The following SAMD12 variants were observed in gnomAD, a reference collection of about 807,000 sequenced individuals.
SAMD12 encodes the protein sterile alpha motif domain-containing protein 12.
A neutral mutation model predicts 15.0 loss-of-function variants in SAMD12; 9 were observed. That is an observed-to-expected ratio of 0.60 (90% CI 0.36 to 1.05). The LOEUF is 1.05. Among genes scored for constraint, SAMD12 ranks in the 50% least tolerant of loss-of-function variants. SAMD12 has a pLI of 0.01. For synonymous variants in SAMD12, 86 were observed against 90.1 expected, an observed-to-expected ratio of 0.96 and a Z score of 0.25; for missense variants, 230 against 234.2, an observed-to-expected ratio of 0.98 and a Z score of 0.12.
chr8:118,394,804 G>T (rs1002718185), intron 3 of SAMD12: 1 of 152,162 alleles, frequency 6.6e-6, no homozygotes, highest in Non-Finnish European at 1.5e-5. Context: ...TGCTGGAGTT[G>T]GAAGAAGATG....
chr8:118,413,562 C>T (rs988227875), intron 3 of SAMD12, among the ~76,000 whole-genome samples: 5 of 152,110 alleles, frequency 3.3e-5, no homozygotes, highest in Admixed American at 2.6e-4. Context: ...TTATAGAATT[C>T]ATTTCATATA....
chr8:118,318,381 G>T (rs1816057028), intron 4 of SAMD12, among the ~76,000 whole-genome samples: 1 of 138,482 alleles, frequency 7.2e-6, no homozygotes, highest in Admixed American at 7.4e-5. Flanking sequence ...AACACTACTT[G>T]GGCATAGAAA....
At chr8:118,200,965 G>A (rs139995273) in intron 4 of SAMD12, among the ~76,000 whole-genome samples, 7 of 152,236 alleles carry the variant, frequency 4.6e-5, no homozygotes, top group African/African-American at 1.2e-4. Context: ...CAGGCGTGGC[G>A]TGCACCACTA....
intron 2 of SAMD12, among the ~76,000 whole-genome samples, chr8:118,545,232 C>T (rs191647689): frequency 2.6e-5 from 4 of 152,216 alleles, no homozygotes; most frequent in Admixed American, 6.5e-5. Flanking sequence ...TCTGGGAGGC[C>T]GAAGTAGGTG....
At chr8:118,405,410 A>AC (rs11398484) in intron 3 of SAMD12, among the ~76,000 whole-genome samples, 42,900 of 151,824 alleles carry the variant, frequency 0.28, 6,110 homozygotes, top group Admixed American at 0.32. Flanking sequence ...GATAAATCTG[A>AC]AGACGAAATG....
chr8:118,550,596 A>G (rs1262041999), intron 2 of SAMD12, among the ~76,000 whole-genome samples: 10 of 152,168 alleles, frequency 6.6e-5, no homozygotes, highest in East Asian at 1.9e-4. Context: ...AAAGACCATC[A>G]AGACTAGGAA....
chr8:118,318,662 ATATAAGTCAT>A (rs1816072047), intron 4 of SAMD12, among the ~76,000 whole-genome samples: 1 of 152,066 alleles, frequency 6.6e-6, no homozygotes, highest in Non-Finnish European at 1.5e-5. Context: ...ATTCACCTCT[ATATAAGTCAT>A]CCATGTAACC....
intron 4 of SAMD12, among the ~76,000 whole-genome samples, chr8:118,283,829 G>A (rs1813783990): frequency 6.6e-6 from 1 of 152,154 alleles, no homozygotes; most frequent in Non-Finnish European, 1.5e-5. Flanking sequence ...AGGGGAACTT[G>A]GGCTTGAAGA....
At chr8:118,354,894 T>C (rs1818152326) in intron 4 of SAMD12, among the ~76,000 whole-genome samples, 1 of 152,204 alleles carries the variant, frequency 6.6e-6, no homozygotes, top group African/African-American at 2.4e-5. Flanking sequence ...ACCCAGCAGG[T>C]ACTTAGTAAA....
At chr8:118,205,532 G>A (rs1819837182) in intron 4 of SAMD12, among the ~76,000 whole-genome samples, 1 of 152,356 alleles carries the variant, frequency 6.6e-6, no homozygotes, top group Admixed American at 6.5e-5. Context: ...CTTTAGGCTA[G>A]GCTATGATCT....
At chr8:118,274,434 T>A (rs1223478292) in intron 4 of SAMD12, among the ~76,000 whole-genome samples, 1 of 152,170 alleles carries the variant, frequency 6.6e-6, no homozygotes, top group Non-Finnish European at 1.5e-5. Flanking sequence ...TTTTGTTTTA[T>A]ACATTACGAA....
At chr8:118,463,681 T>C (rs969973028) in intron 2 of SAMD12, among the ~76,000 whole-genome samples, 5 of 152,096 alleles carry the variant, frequency 3.3e-5, no homozygotes, top group African/African-American at 9.7e-5. Context: ...AAAACCCAGG[T>C]GGCAAAATCT....
chr8:118,542,578 A>C (rs1826016626), intron 2 of SAMD12, among the ~76,000 whole-genome samples: 1 of 152,202 alleles, frequency 6.6e-6, no homozygotes, highest in African/African-American at 2.4e-5. Flanking sequence ...GAATGTGAGA[A>C]GCTTTCCCAG....
chr8:118,193,151 C>T (rs953776398), exon 5 of SAMD12: 4 of 152,190 alleles, frequency 2.6e-5, no homozygotes, highest in Admixed American at 6.5e-5. Flanking sequence ...CCCTGTGGAG[C>T]TAAGGTGATG....
At chr8:118,238,348 A>C (rs1368590604) in intron 4 of SAMD12, among the ~76,000 whole-genome samples, 1 of 152,136 alleles carries the variant, frequency 6.6e-6, no homozygotes, top group Non-Finnish European at 1.5e-5. Flanking sequence ...AAATCAATTA[A>C]AATTTATCAT....
At chr8:118,260,380 G>A (rs1310692094) in intron 4 of SAMD12, among the ~76,000 whole-genome samples, 1 of 151,990 alleles carries the variant, frequency 6.6e-6, no homozygotes, top group Admixed American at 6.6e-5. Context: ...TATTATCTGG[G>A]CTCTTATGTT....
chr8:118,274,243 T>C (rs2130124781), intron 4 of SAMD12, among the ~76,000 whole-genome samples: 1 of 151,990 alleles, frequency 6.6e-6, no homozygotes, highest in Non-Finnish European at 1.5e-5. Context: ...AAAAATAAAA[T>C]AGGAGAATTT....
intron 4 of SAMD12, among the ~76,000 whole-genome samples, chr8:118,329,146 G>T (rs1294205179): frequency 6.6e-6 from 1 of 152,082 alleles, no homozygotes; most frequent in Non-Finnish European, 1.5e-5. Flanking sequence ...ACTAAATTAG[G>T]AAGTTGGGCA....
At chr8:118,230,303 G>C (rs1812279319) in intron 4 of SAMD12, among the ~76,000 whole-genome samples, 1 of 150,780 alleles carries the variant, frequency 6.6e-6, no homozygotes, top group African/African-American at 2.4e-5. Context: ...AAGGTGTAGA[G>C]CTAATCAGAT....
Sources: allele counts gnomAD v4.1 joint callset (sites outside exome capture counted in the v4.1 genomes callset), GRCh38; gene constraint gnomAD v4.1.1; transcripts MANE v1.5; gene names NCBI Gene and HGNC (gene_info 2026-07-23, HGNC 2026-07-21).